The following NBEA variants were observed in gnomAD, a reference collection of about 807,000 sequenced individuals.
The protein encoded by NBEA is neurobeachin.
In NBEA, 44 loss-of-function variants were observed where a neutral mutation model predicts 343.4. That is an observed-to-expected ratio of 0.13 (90% confidence interval 0.10 to 0.16). NBEA has a LOEUF of 0.16. Ranked by LOEUF, NBEA falls within the 10% of genes least tolerant of loss-of-function variation. The pLI is 1.00. For missense variants in NBEA, 2,555 were observed against 3,631.3 expected (o/e 0.70, Z 7.62); for synonymous variants, 1,175 against 1,238.7 (o/e 0.95, Z 1.08).
chr13:35,408,823 T>C (rs1197118875), intron 38 of NBEA, among the ~76,000 whole-genome samples: 1 of 152,056 alleles, frequency 6.6e-6, no homozygotes, highest in Non-Finnish European at 1.5e-5. Context: ...CGTCAGAATA[T>C]GGCTATAATT....
chr13:35,476,910 C>A, intron 41 of NBEA: 2 of 687,142 alleles, frequency 2.9e-6, no homozygotes, highest in Non-Finnish European at 3.7e-6. Context: ...AATCTCTCAG[C>A]TTTGGTATTA....
At chr13:34,976,445 A>T (rs1349657202) in intron 1 of NBEA, among the ~76,000 whole-genome samples, 1 of 152,154 alleles carries the variant, frequency 6.6e-6, no homozygotes, top group Non-Finnish European at 1.5e-5. Flanking sequence ...GTGGCAAAGG[A>T]TAAAAGACTG....
intron 18 of NBEA, among the ~76,000 whole-genome samples, chr13:35,146,813 C>T (rs1043192988): frequency 3.3e-5 from 5 of 152,092 alleles, no homozygotes; most frequent in East Asian, 1.9e-4. Flanking sequence ...TCAGCATATT[C>T]AGCCCTATCT....
chr13:35,517,675 C>T lies in NBEA; in HGVS notation c.6586-32802C>T, dbSNP rs901036093. Reference sequence around the variant, plus strand: ...GATATCATCTTTAGTAAGAGGCTCGCCCCAAACCAATCAAACGTGTGTATT... The same window carrying T: ...GATATCATCTTTAGTAAGAGGCTCGTCCCAAACCAATCAAACGTGTGTATT... On this transcript the variant is annotated intron_variant, in intron 41 of 58. Transcript: ENST00000379939. Among the ~76,000 whole-genome samples, 6 of 152,274 alleles carry T rather than the reference C, an allele frequency of 3.9e-5. No individual in the cohort carries two copies. In the South Asian group the frequency reaches 1.0e-3, roughly 26 times the overall value.
At chr13:35,070,211 C>G in intron 9 of NBEA, 106 bp downstream of exon 9, 8 of 1,130,342 alleles carry the variant, frequency 7.1e-6, no homozygotes, top group Non-Finnish European at 9.5e-6. Context: ...TTTTTTGCTT[C>G]TTTTTTGGCT....
intron 46 of NBEA, among the ~76,000 whole-genome samples, chr13:35,589,393 C>T (rs1289933608): frequency 6.6e-6 from 1 of 152,090 alleles, no homozygotes; most frequent in Non-Finnish European, 1.5e-5. Context: ...CAGAGCCTGG[C>T]ACAGAAAAAT....
intron 10 of NBEA, among the ~76,000 whole-genome samples, chr13:35,082,362 G>A (rs904140890): frequency 6.8e-4 from 104 of 152,204 alleles, no homozygotes; most frequent in Non-Finnish European, 1.2e-3. Context: ...ATTGTGAATA[G>A]TGCCTCAATA....
intron 38 of NBEA, among the ~76,000 whole-genome samples, chr13:35,369,429 A>T (rs1472053320): frequency 6.6e-6 from 1 of 151,746 alleles, no homozygotes; most frequent in African/African-American, 2.4e-5. Context: ...GAAAAATGAC[A>T]TTGGTGTTTT....
intron 1 of NBEA, among the ~76,000 whole-genome samples, chr13:35,024,176 T>C (rs1458928602): frequency 1.3e-5 from 2 of 152,232 alleles, no homozygotes; most frequent in Admixed American, 6.5e-5. Flanking sequence ...ATGTGATTTT[T>C]TTTTGTTATG....
Position 35,159,168 on chromosome 13 carries a change from A to G in NBEA, c.2997A>G (p.Glu999=), listed in dbSNP as rs755925550. Residue 999 remains glutamate, a synonymous_variant, in exon 22 of 59, where the codon GAA becomes GAG. Coordinates refer to ENST00000379939, the MANE Select transcript of NBEA (RefSeq NM_001385012.1). ...CAACAGGAGCAAAAGGTGGAATGGA[A>G]ATTCGAGAGATAGAAGATCTTTCAC... ...SQTTGAKGGM[E]IREIEDLSQS... is the part of the protein sequence containing the mutation. 1 of 1,613,612 alleles carries G rather than the reference A, an allele frequency of 6.2e-7. No individual in the cohort carries two copies. Among genetic ancestry groups the G allele is most frequent in the Admixed American group, 1.7e-5 (1 of 59,972 alleles).
chr13:35,011,205 AG>A (rs2061485201), intron 1 of NBEA, among the ~76,000 whole-genome samples: 1 of 152,134 alleles, frequency 6.6e-6, no homozygotes, highest in Non-Finnish European at 1.5e-5. Context: ...AACATATCAA[AG>A]TTGCCTTTCA....
intron 48 of NBEA, among the ~76,000 whole-genome samples, chr13:35,620,905 G>T (rs939987739): frequency 6.6e-6 from 1 of 152,162 alleles, no homozygotes; most frequent in Non-Finnish European, 1.5e-5. Context: ...ATGCGGAGTA[G>T]TGATGGCTAC....
chr13:35,375,444 T>C (rs759126154), intron 38 of NBEA, among the ~76,000 whole-genome samples: 1 of 152,130 alleles, frequency 6.6e-6, no homozygotes, highest in African/African-American at 2.4e-5. Flanking sequence ...GGGGGAAATC[T>C]TAGAAAATCT....
intron 8 of NBEA, among the ~76,000 whole-genome samples, chr13:35,068,869 G>A (rs779563643): frequency 1.3e-5 from 2 of 152,082 alleles, no homozygotes; most frequent in African/African-American, 2.4e-5. Context: ...CTGAGGAGTG[G>A]GGGCCACTTT....
chr13:35,093,155 A>G (rs779958516), intron 10 of NBEA, among the ~76,000 whole-genome samples: 1 of 152,000 alleles, frequency 6.6e-6, no homozygotes, highest in Admixed American at 6.6e-5. Flanking sequence ...GAGAAAAGGG[A>G]TAAGTACTAG....
chr13:35,089,804 A>G (rs1326471481), intron 10 of NBEA, among the ~76,000 whole-genome samples: 12 of 149,542 alleles, frequency 8.0e-5, no homozygotes, highest in African/African-American at 2.5e-4. Context: ...GTAAACTATC[A>G]CAAGAACAAA....
intron 1 of NBEA, among the ~76,000 whole-genome samples, chr13:34,991,720 T>C (rs1356923506): frequency 6.6e-6 from 1 of 152,226 alleles, no homozygotes; most frequent in Non-Finnish European, 1.5e-5. Context: ...TATATTATTC[T>C]ATGTTTACCA....
intron 35 of NBEA, among the ~76,000 whole-genome samples, chr13:35,303,341 A>G (rs2036679349): frequency 6.6e-6 from 1 of 152,170 alleles, no homozygotes; most frequent in Non-Finnish European, 1.5e-5. Context: ...GGTGGATTGT[A>G]TGTTAATCAC....
chr13:35,529,639 C>T (rs2078161803), intron 41 of NBEA, among the ~76,000 whole-genome samples: 1 of 152,138 alleles, frequency 6.6e-6, no homozygotes, highest in African/African-American at 2.4e-5. Context: ...CTATATGATG[C>T]TCAAATAACC....
Sources: allele counts gnomAD v4.1 joint callset (sites outside exome capture counted in the v4.1 genomes callset), GRCh38; gene constraint gnomAD v4.1.1; transcripts MANE v1.5; gene names NCBI Gene and HGNC (gene_info 2026-07-23, HGNC 2026-07-21).